The following ZNF775 variants were observed in gnomAD, a reference collection of about 807,000 sequenced individuals.
ZNF775 encodes the protein zinc finger protein 775.
Under a neutral mutation model 2.4 loss-of-function variants are expected in ZNF775, and 1 was observed. The ratio of observed to expected loss-of-function variants is 0.41; its 90% CI spans 0.15 to 1.94. ZNF775 has a LOEUF of 1.94. ZNF775 is among the 30% of genes most tolerant of loss of function. ZNF775 has a pLI of 0.30. For synonymous variants in ZNF775, 381 were observed against 373.3 expected (o/e 1.02, Z -0.24); for missense variants, 823 against 826.6 (o/e 1.00, Z 0.05).
intron 2 of ZNF775, among the ~76,000 whole-genome samples, chr7:150,395,845 C>G (rs375533605): frequency 6.6e-6 from 1 of 152,178 alleles, no homozygotes; most frequent in Non-Finnish European, 1.5e-5. Context: ...TGAGGTCTTT[C>G]TGGCCTACTT....
In ZNF775 at chr7:150,398,358, C is replaced by T. The variant is rs1800723315; in HGVS notation, c.*263C>T. On this transcript the variant is annotated 3_prime_UTR_variant, in exon 3 of 3. Transcript: ENST00000329630. Reference sequence around the variant, plus strand: ...TGACCACCCTCTTCAGAGGTTGGACCCCAGGCTTCAAGCACCGAGTGAGGG... The same window carrying T: ...TGACCACCCTCTTCAGAGGTTGGACTCCAGGCTTCAAGCACCGAGTGAGGG... 1 of 563,066 alleles carries T rather than the reference C, an allele frequency of 1.8e-6. No homozygotes were observed. Among genetic ancestry groups the T allele is most frequent in the Non-Finnish European group, 3.0e-6 (1 of 328,102 alleles). 34.9% of individuals were successfully genotyped at this position (563,066 alleles called of 1,614,324 possible). A position where few individuals can be genotyped will look rare whatever the true frequency, so the allele number is the denominator to read the frequency against.
At chr7:150,381,350 C>CA (rs1800358258) in intron 1 of ZNF775, among the ~76,000 whole-genome samples, 1 of 152,094 alleles carries the variant, frequency 6.6e-6, no homozygotes, top group African/African-American at 2.4e-5. Flanking sequence ...GACCTGCTTG[C>CA]ATGCAGATCA....
chr7:150,385,093 T>A (rs1364522178), intron 1 of ZNF775, among the ~76,000 whole-genome samples: 2 of 152,100 alleles, frequency 1.3e-5, no homozygotes, highest in African/African-American at 2.4e-5. Flanking sequence ...ATGCAGAAGC[T>A]CACAGAGTGG....
chr7:150,386,647 A>C (rs1800459535), intron 1 of ZNF775, among the ~76,000 whole-genome samples: 1 of 151,830 alleles, frequency 6.6e-6, no homozygotes, highest in South Asian at 2.1e-4. Context: ...CCCCTCCCTG[A>C]GGCAGCAGGA....
Position 150,398,249 on chromosome 7 carries a change from A to G in ZNF775, c.*154A>G. Reference sequence around the variant, plus strand: ...CTGAAGGGCTGAGAACAGTTCTAGAAGCGTCCCAAAGGGTGCTGGGAAAGG... The same window carrying G: ...CTGAAGGGCTGAGAACAGTTCTAGAGGCGTCCCAAAGGGTGCTGGGAAAGG... On this transcript the variant is annotated 3_prime_UTR_variant, in exon 3 of 3. Transcript: ENST00000329630. 1 of 1,242,152 alleles carries G rather than the reference A, an allele frequency of 8.1e-7. No individual in the cohort carries two copies. The highest frequency in any genetic ancestry group is 1.1e-6 in the Non-Finnish European group (1 of 928,254). 76.9% of individuals were successfully genotyped at this position (1,242,152 alleles called of 1,614,324 possible).
Position 150,382,047 on chromosome 7 carries a change from C to T in ZNF775, c.-50+2655C>T, listed in dbSNP as rs184353075. 2.8e-4 allele frequency among the ~76,000 whole-genome samples: 43 copies of T among 151,950 alleles called. No individual in the cohort carries two copies. Among genetic ancestry groups the T allele is most frequent in the Middle Eastern group, 6.8e-3 (2 of 294 alleles). On this transcript the variant is annotated intron_variant, in intron 1 of 2. Coordinates refer to ENST00000329630, the MANE Select transcript of ZNF775 (RefSeq NM_173680.4). This position sits in a 1 kb window ranked among gnomAD's most constrained non-coding sequence, Gnocchi z 4.6. ...CTCCAGGTGGGGGAGGGGATGCCCA[C>T]CTGGTTTGGGCTGGGACCTCTGGGA... is the stretch of plus-strand genomic sequence containing the variant.
chr7:150,388,532 C>T (rs1437370178), intron 2 of ZNF775, 31 bp downstream of exon 2: 5 of 1,551,330 alleles, frequency 3.2e-6, no homozygotes, highest in Non-Finnish European at 3.5e-6. Context: ...GGCAGGGGAG[C>T]GGGGTCTCCT....
rs372428835 is a variant in ZNF775, at chr7:150,397,849, G to T, written c.1368G>T (p.Ser456=). 247 of 1,601,688 alleles carry T rather than the reference G, an allele frequency of 1.5e-4. No individual in the cohort carries two copies. In the African/African-American group the frequency reaches 2.8e-3, roughly 18 times the overall value. The change falls in exon 3 of 3, where the codon TCG becomes TCT. Residue 456 remains serine, a synonymous_variant. Transcript: ENST00000329630. ...GCAACGAGTGCGGCAAGAGCTTCTCGTGGTGGTCGGCGCTCACCATCCACC... is the reference window on the plus strand; with the variant it reads ...GCAACGAGTGCGGCAAGAGCTTCTCTTGGTGGTCGGCGCTCACCATCCACC... ...FICNECGKSF[S]WWSALTIHQR... is the part of the protein sequence containing the mutation.
At chr7:150,389,859 TTGTGTGTGTGTGTG>T (rs71196708) in intron 2 of ZNF775, among the ~76,000 whole-genome samples, 2,527 of 138,810 alleles carry the variant, frequency 0.018, 79 homozygotes, top group East Asian at 0.11. Flanking sequence ...TAATTTTTAT[TTGTGTGTGTGTGTG>T]TGTGTGTGTG....
chr7:150,386,657 A>G (rs1443317341), intron 1 of ZNF775, among the ~76,000 whole-genome samples: 1 of 152,102 alleles, frequency 6.6e-6, no homozygotes, highest in African/African-American at 2.4e-5. Flanking sequence ...AGGCAGCAGG[A>G]AGGACGAGCT....
At chr7:150,387,035 G>A (rs1014224537) in intron 1 of ZNF775, among the ~76,000 whole-genome samples, 6 of 152,160 alleles carry the variant, frequency 3.9e-5, no homozygotes, top group South Asian at 2.1e-4. Flanking sequence ...GGTGGCTCAC[G>A]CCTGTAATCC....
At position 150,396,818 on chromosome 7, in the gene ZNF775, G is replaced by A. The variant is rs778565576; in HGVS notation, c.337G>A (p.Gly113Arg). The A allele has an allele frequency of 2.5e-6, 4 of 1,600,858 alleles. No homozygotes were observed. The highest frequency in any genetic ancestry group is 2.7e-5 in the African/African-American group (2 of 74,754). The change falls in exon 3 of 3, where the codon GGG (glycine) becomes AGG (arginine). Residue 113 changes from glycine to arginine, a missense_variant. Transcript: ENST00000329630. ...GEGHFVCLDC[G>R]KRFSWWSSLK... The stretch of plus-strand genomic sequence containing the variant: ...GGGTCACTTTGTATGCCTGGACTGC[G>A]GGAAGAGGTTCAGCTGGTGGTCGTC...
rs551449228 is a variant in ZNF775, at chr7:150,384,889, C to T, written c.-49-3533C>T. 4.6e-5 allele frequency among the ~76,000 whole-genome samples: 7 copies of T among 152,282 alleles called. No homozygotes were observed. The highest frequency in any genetic ancestry group is 1.7e-4 in the African/African-American group (7 of 41,550). ...GGCAGGGTGGGTGAAGTAGGACTGT[C>T]TTTGATTTGCCTTGGGGGTCTCGCT... On this transcript the variant is annotated intron_variant, in intron 1 of 2. Transcript: ENST00000329630. This position sits in a 1 kb window ranked among gnomAD's most constrained non-coding sequence, Gnocchi z 4.1.
chr7:150,397,344 A>G lies in ZNF775; in HGVS notation c.863A>G (p.Lys288Arg). The stretch of plus-strand genomic sequence containing the variant: ...CAGTTCATCTGCAACGAGTGTGGCA[A>G]GAGCTTCACCTGGTGGTCGTCGCTG... Reference protein sequence around the residue: ...PRQFICNECGKSFTWWSSLNI... With the variant: ...PRQFICNECGRSFTWWSSLNI... The change falls in exon 3 of 3, where the codon AAG becomes AGG. Residue 288 changes from lysine (K) to arginine (R), a missense_variant. By Grantham distance (26) the Lys-to-Arg change is conservative. Coordinates refer to ENST00000329630, the MANE Select transcript of ZNF775 (RefSeq NM_173680.4). The G allele has an allele frequency of 1.9e-6, 3 of 1,593,986 alleles. No individual in the cohort carries two copies. Among genetic ancestry groups the G allele is most frequent in the Non-Finnish European group, 1.7e-6 (2 of 1,174,038 alleles).
chr7:150,385,154 G>C (rs956878548), intron 1 of ZNF775, among the ~76,000 whole-genome samples: 4 of 152,124 alleles, frequency 2.6e-5, no homozygotes, highest in African/African-American at 9.7e-5. Flanking sequence ...GCACCCATCA[G>C]AGCCCCACCA....
At chr7:150,383,962 C>A (rs774585922) in intron 1 of ZNF775, 5 of 152,604 alleles carry the variant, frequency 3.3e-5, no homozygotes, top group Non-Finnish European at 7.3e-5. Context: ...CGCCCCACCC[C>A]CAAGTCTCTG....
intron 1 of ZNF775, chr7:150,380,173 C>G (rs1800336423): frequency 6.6e-6 from 1 of 152,232 alleles, no homozygotes; most frequent in Non-Finnish European, 1.5e-5. Flanking sequence ...TCACAGCTAA[C>G]TGTTCCCATG....
In ZNF775 at chr7:150,388,479, T is replaced by TG. The variant is rs1247784405; in HGVS notation, c.11dup (p.Leu5ProfsTer75). 1 of 1,551,266 alleles carries TG rather than the reference T, an allele frequency of 6.4e-7. No individual in the cohort carries two copies. The highest frequency in any genetic ancestry group is 2.4e-5 in the East Asian group (1 of 40,898). ...CTGGGAGGCCTCCAGGGATGGAGAG[T>TG]GGCCTGGCTGGCAACGGCACAGGTA... On this transcript the variant is annotated frameshift_variant, in exon 2 of 3. Coordinates refer to ENST00000329630, the MANE Select transcript of ZNF775 (RefSeq NM_173680.4). LOFTEE classifies it low-confidence loss of function (END_TRUNC).
Position 150,396,574 on chromosome 7 carries a change from G to T in ZNF775, c.93G>T (p.Ala31=). 6.2e-7 allele frequency: 1 copy of T among 1,606,406 alleles called. No individual in the cohort carries two copies. Among genetic ancestry groups the T allele is most frequent in the Non-Finnish European group, 8.5e-7 (1 of 1,177,966 alleles). ...EKPERLLQTL[A]PQAMLVEKDK... ...CGGAGCGGCTGCTGCAGACGCTGGCGCCGCAGGCCATGCTTGTGGAGAAGG... is the reference window on the plus strand; with the variant it reads ...CGGAGCGGCTGCTGCAGACGCTGGCTCCGCAGGCCATGCTTGTGGAGAAGG... The change falls in exon 3 of 3, where the codon GCG becomes GCT. Residue 31 remains alanine (A), a synonymous_variant. Coordinates refer to ENST00000329630, the MANE Select transcript of ZNF775 (RefSeq NM_173680.4).
Sources: gnomAD v4.1 joint callset for allele counts (sites outside exome capture counted in the v4.1 genomes callset) on GRCh38, gnomAD v4.1.1 for gene constraint, Gnocchi (gnomAD v3.1) non-coding constraint, MANE v1.5 for transcripts, NCBI Gene and HGNC (gene_info 2026-07-23, HGNC 2026-07-21) for gene names.